RSRC1: variants seen among roughly 807,000 people sequenced by gnomAD.
The protein encoded by RSRC1 is arginine and serine rich coiled-coil 1.
RSRC1 carries 39 observed loss-of-function variants against 49.1 expected under a neutral mutation model. That is an observed-to-expected ratio of 0.79 (90% CI 0.61 to 1.04). The LOEUF (loss-of-function observed/expected upper bound fraction) is 1.04, where lower values mean the gene tolerates loss of function less well. RSRC1 is among the 50% of genes least tolerant of loss of function. The probability of loss-of-function intolerance (pLI) is 0.00; values close to 1 mark genes in which losing one functional copy is unlikely to be tolerated. For missense variants in RSRC1, 388 were observed against 402.4 expected, an observed-to-expected ratio of 0.96 and a Z score of 0.31; for synonymous variants, 143 against 130.8, an observed-to-expected ratio of 1.09 and a Z score of -0.63.
intron 6 of RSRC1, among the ~76,000 whole-genome samples, chr3:158,402,905 G>A (rs928714438): frequency 6.6e-6 from 1 of 151,840 alleles, no homozygotes; most frequent in African/African-American, 2.4e-5. Context: ...AGAGCCAGAT[G>A]ATAAAATGAG....
intron 4 of RSRC1, among the ~76,000 whole-genome samples, chr3:158,285,259 G>A (rs1370945653): frequency 6.6e-6 from 1 of 152,166 alleles, no homozygotes; most frequent in African/African-American, 2.4e-5. Flanking sequence ...CTATATCTCT[G>A]TTTTGGTAGC....
intron 4 of RSRC1, among the ~76,000 whole-genome samples, chr3:158,246,877 A>G (rs926694164): frequency 1.3e-5 from 2 of 151,928 alleles, no homozygotes; most frequent in Admixed American, 1.3e-4. Context: ...CTTCTCATGG[A>G]GAAGTTCTGT....
At chr3:158,204,415 A>G (rs929561420) in intron 4 of RSRC1, among the ~76,000 whole-genome samples, 2 of 152,196 alleles carry the variant, frequency 1.3e-5, no homozygotes, top group African/African-American at 4.8e-5. Flanking sequence ...GTAATCAGTT[A>G]TGTTCCTGTA....
intron 4 of RSRC1, among the ~76,000 whole-genome samples, chr3:158,281,854 C>G (rs1166327030): frequency 6.6e-6 from 1 of 152,252 alleles, no homozygotes; most frequent in East Asian, 1.9e-4. Flanking sequence ...GTGTATAGTT[C>G]TCTCTTTCAA....
chr3:158,243,993 A>G (rs1417459435), intron 4 of RSRC1, among the ~76,000 whole-genome samples: 1 of 148,412 alleles, frequency 6.7e-6, no homozygotes, highest in Non-Finnish European at 1.5e-5. Context: ...GTCATCTGCA[A>G]GCAAAGATAG....
At chr3:158,175,820 CTT>C (rs1719175191) in intron 3 of RSRC1, among the ~76,000 whole-genome samples, 3 of 152,066 alleles carry the variant, frequency 2.0e-5, no homozygotes, top group Non-Finnish European at 4.4e-5. Flanking sequence ...TCTTTTCACT[CTT>C]TTTTCTCTAA....
chr3:158,307,869 A>AT (rs1020110551), intron 5 of RSRC1, among the ~76,000 whole-genome samples: 6 of 152,008 alleles, frequency 3.9e-5, no homozygotes, highest in Admixed American at 1.3e-4. Flanking sequence ...CAGATGTGCT[A>AT]TTTTTTGTTT....
intron 3 of RSRC1, among the ~76,000 whole-genome samples, chr3:158,137,695 C>A (rs1264946076): frequency 2.0e-5 from 3 of 150,468 alleles, no homozygotes; most frequent in Non-Finnish European, 3.0e-5. Flanking sequence ...CACCTGTCGC[C>A]CAGGCTGGAG....
chr3:158,507,499 T>C (rs1739913042), intron 7 of RSRC1, among the ~76,000 whole-genome samples: 1 of 152,136 alleles, frequency 6.6e-6, no homozygotes, highest in South Asian at 2.1e-4. Context: ...CCCCAAAATA[T>C]GTACAACTAT....
intron 6 of RSRC1, among the ~76,000 whole-genome samples, chr3:158,410,793 AC>A (rs1268586243): frequency 6.6e-6 from 1 of 152,058 alleles, no homozygotes; most frequent in African/African-American, 2.4e-5. Flanking sequence ...TGTATAGTTC[AC>A]CAAATTATTA....
At chr3:158,158,959 A>G (rs1034609726) in intron 3 of RSRC1, among the ~76,000 whole-genome samples, 10 of 151,344 alleles carry the variant, frequency 6.6e-5, no homozygotes, top group African/African-American at 2.4e-4. Flanking sequence ...AAAAAAAGAA[A>G]TAGTGTTTTT....
intron 6 of RSRC1, among the ~76,000 whole-genome samples, chr3:158,438,115 T>C (rs1736151819): frequency 6.6e-6 from 1 of 152,088 alleles, no homozygotes; most frequent in East Asian, 1.9e-4. Flanking sequence ...TTACAAGGGA[T>C]GTGAAGGACC....
intron 3 of RSRC1, among the ~76,000 whole-genome samples, chr3:158,198,344 G>A (rs1050152921): frequency 6.6e-6 from 1 of 151,952 alleles, no homozygotes; most frequent in African/African-American, 2.4e-5. Flanking sequence ...CATTTGCTTG[G>A]TAGATCTTCC....
chr3:158,166,158 A>G (rs1215384233), intron 3 of RSRC1, among the ~76,000 whole-genome samples: 1 of 152,208 alleles, frequency 6.6e-6, no homozygotes, highest in Non-Finnish European at 1.5e-5. Context: ...AAGCTGGGTA[A>G]TGTCTACATT....
Position 158,264,750 on chromosome 3 carries a change from G to C in RSRC1, c.495-33289G>C, listed in dbSNP as rs368723304. Among the ~76,000 whole-genome samples, 8 of 152,252 alleles carry C rather than the reference G, an allele frequency of 5.3e-5. No individual in the cohort carries two copies. In the East Asian group the frequency reaches 1.5e-3, roughly 29 times the overall value. On this transcript the variant is annotated intron_variant, in intron 4 of 9. Coordinates refer to ENST00000611884, the MANE Select transcript of RSRC1 (RefSeq NM_001271838.2). Reference sequence around the variant, plus strand: ...TTTTATGATTTGTTTGGTGGGTGTCGAGTAGTGCTCAGTGTAGTGCTAACC... The same window carrying C: ...TTTTATGATTTGTTTGGTGGGTGTCCAGTAGTGCTCAGTGTAGTGCTAACC...
At chr3:158,476,320 G>T (rs1198648689) in intron 7 of RSRC1, among the ~76,000 whole-genome samples, 1 of 152,160 alleles carries the variant, frequency 6.6e-6, no homozygotes, top group African/African-American at 2.4e-5. Context: ...ACTGATGAAG[G>T]CAGCTATGCT....
At chr3:158,263,699 G>T (rs1725019087) in intron 4 of RSRC1, among the ~76,000 whole-genome samples, 2 of 152,256 alleles carry the variant, frequency 1.3e-5, no homozygotes, top group African/African-American at 4.8e-5. Flanking sequence ...ACTTTCTTCA[G>T]TAGATTAGTT....
At chr3:158,353,570 A>G (rs1027751061) in intron 5 of RSRC1, among the ~76,000 whole-genome samples, 24 of 152,146 alleles carry the variant, frequency 1.6e-4, no homozygotes, top group Non-Finnish European at 2.8e-4. Context: ...ACGTTCTCCC[A>G]GTCTCCTCAC....
At chr3:158,421,568 T>A (rs1435199424) in intron 6 of RSRC1, among the ~76,000 whole-genome samples, 1 of 151,884 alleles carries the variant, frequency 6.6e-6, no homozygotes, top group African/African-American at 2.4e-5. Context: ...ATGTTAGATG[T>A]AGAATGGATA....
Sources: allele counts gnomAD v4.1 joint callset (sites outside exome capture counted in the v4.1 genomes callset), GRCh38; gene constraint gnomAD v4.1.1; transcripts MANE v1.5; gene names NCBI Gene and HGNC (gene_info 2026-07-23, HGNC 2026-07-21).